Variants in PARD3B observed in about 807,000 individuals in gnomAD.
PARD3B encodes the protein partitioning defective 3 homolog B.
PARD3B carries 103 observed loss-of-function variants against 130.2 expected under a neutral mutation model. The ratio of observed to expected loss-of-function variants is 0.79; its 90% CI spans 0.67 to 0.93. The LOEUF is 0.93. Among genes scored for constraint, PARD3B ranks in the 40% least tolerant of loss-of-function variants. The pLI is 0.00. For synonymous variants in PARD3B, 583 were observed against 553.2 expected, an observed-to-expected ratio of 1.05 and a Z score of -0.76; for missense variants, 1,609 against 1,499.2, an observed-to-expected ratio of 1.07 and a Z score of -1.21.
intron 19 of PARD3B, among the ~76,000 whole-genome samples, chr2:205,402,145 A>C (rs1380411455): frequency 1.3e-5 from 2 of 152,128 alleles, no homozygotes; most frequent in African/African-American, 2.4e-5. Context: ...TTTCAATAGC[A>C]AGGAAAAAAA....
chr2:204,988,049 T>C (rs1693326958), intron 3 of PARD3B, among the ~76,000 whole-genome samples: 1 of 150,788 alleles, frequency 6.6e-6, no homozygotes, highest in Admixed American at 6.7e-5. Flanking sequence ...CCAGTGGGGG[T>C]CATCACATTG....
At chr2:204,922,927 A>G (rs1196567881) in intron 2 of PARD3B, among the ~76,000 whole-genome samples, 1 of 152,104 alleles carries the variant, frequency 6.6e-6, no homozygotes, top group East Asian at 1.9e-4. Context: ...CATACCTTTT[A>G]TGATATGAGA....
intron 2 of PARD3B, among the ~76,000 whole-genome samples, chr2:204,959,767 A>G (rs1690584898): frequency 6.6e-6 from 1 of 152,194 alleles, no homozygotes. Context: ...CGCCCCTGGG[A>G]ACATAGGAGT....
At chr2:205,540,651 C>T (rs999913510) in intron 21 of PARD3B, among the ~76,000 whole-genome samples, 3 of 151,460 alleles carry the variant, frequency 2.0e-5, no homozygotes, top group Non-Finnish European at 2.9e-5. Flanking sequence ...GTAGAAGCCA[C>T]GGTGGATTTT....
At position 205,146,520 on chromosome 2, in the gene PARD3B, G is replaced by A. The variant is rs547857632; in HGVS notation, c.1435-12202G>A. ...AAAACATTTATCTGGGCGTGGTGGC[G>A]GGCGCCTGTAGTCCCAGCTACTCGG... On this transcript the variant is annotated intron_variant, in intron 10 of 22. Coordinates refer to ENST00000406610, the MANE Select transcript of PARD3B (RefSeq NM_001302769.2). The surrounding 1 kb of genome is among the most constrained non-coding windows in gnomAD (Gnocchi z 4.3). Among the ~76,000 whole-genome samples the A allele has an allele frequency of 3.3e-5, 5 of 151,756 alleles. No homozygotes were observed. Among genetic ancestry groups the A allele is most frequent in the South Asian group, 4.2e-4 (2 of 4,790 alleles).
rs554524224 is a variant in PARD3B at position 205,563,659 on chromosome 2, A to T, written c.3260+10256A>T. On this transcript the variant is annotated intron_variant, in intron 22 of 22. Transcript: ENST00000406610. The surrounding 1 kb of genome is among the most constrained non-coding windows in gnomAD (Gnocchi z 4.2). ...TCAAAACCTACGGGTTGTAAAAAAA[A>T]AAAGTAATAAAATACAAGAAAATAG... Among the ~76,000 whole-genome samples, 4 of 152,192 alleles carry T rather than the reference A, an allele frequency of 2.6e-5. No homozygotes were observed. In the South Asian group the frequency reaches 8.3e-4, roughly 32 times the overall value.
intron 18 of PARD3B, among the ~76,000 whole-genome samples, chr2:205,335,300 A>G (rs2043272173): frequency 6.6e-6 from 1 of 152,220 alleles, no homozygotes; most frequent in South Asian, 2.1e-4. Flanking sequence ...GCAAATGTCT[A>G]CAATGTCCAC....
At chr2:205,541,458 C>T (rs891577036) in intron 21 of PARD3B, among the ~76,000 whole-genome samples, 3 of 151,616 alleles carry the variant, frequency 2.0e-5, no homozygotes, top group Non-Finnish European at 4.4e-5. Context: ...AAGCAATTCT[C>T]CTGTCTCAGC....
At chr2:205,024,131 C>T (rs1300832168) in intron 3 of PARD3B, among the ~76,000 whole-genome samples, 2 of 147,464 alleles carry the variant, frequency 1.4e-5, no homozygotes, top group East Asian at 4.0e-4. Context: ...TAGCTATGAT[C>T]ATGTATGCCT....
intron 1 of PARD3B, among the ~76,000 whole-genome samples, chr2:204,662,667 G>T (rs904928090): frequency 5.3e-5 from 8 of 152,104 alleles, no homozygotes; most frequent in African/African-American, 1.9e-4. Context: ...GTTATTGCTT[G>T]GTTACAGACC....
chr2:205,520,980 TTATCATAAATCAA>T (rs993416359), intron 21 of PARD3B, among the ~76,000 whole-genome samples: 10 of 151,446 alleles, frequency 6.6e-5, no homozygotes, highest in Non-Finnish European at 1.2e-4. Context: ...TATTAGTTCT[TTATCATAAATCAA>T]TATAAGATAC....
rs1211998964 is a variant in PARD3B, at chr2:205,440,569, G to A, written c.2941G>A (p.Gly981Ser). 1.2e-6 allele frequency: 2 copies of A among 1,614,064 alleles called. No homozygotes were observed. Among genetic ancestry groups the A allele is most frequent in the South Asian group, 1.1e-5 (1 of 91,076 alleles). Residue 981 changes from glycine to serine, a missense_variant, in exon 20 of 23, where the codon GGT (glycine) becomes AGT (serine). Transcript: ENST00000406610. The surrounding 1 kb of genome is among the most constrained non-coding windows in gnomAD (Gnocchi z 4.2). Reference sequence around the variant, plus strand: ...ATCTCCCCCTCGAGCTGGACCATTTGGTTACCCTCGGGATGGCCATCCACT... The same window carrying A: ...ATCTCCCCCTCGAGCTGGACCATTTAGTTACCCTCGGGATGGCCATCCACT... ...SPSPPRAGPF[G>S]YPRDGHPLSP...
intron 1 of PARD3B, among the ~76,000 whole-genome samples, chr2:204,626,975 G>A (rs2034508187): frequency 6.6e-6 from 1 of 152,134 alleles, no homozygotes; most frequent in Non-Finnish European, 1.5e-5. Flanking sequence ...TGTCAAGGGA[G>A]GGAGGTGATT....
intron 2 of PARD3B, among the ~76,000 whole-genome samples, chr2:204,877,037 T>C (rs1024577810): frequency 6.6e-6 from 1 of 152,148 alleles, no homozygotes; most frequent in Non-Finnish European, 1.5e-5. Flanking sequence ...CAATGGCACA[T>C]ATGCACCATG....
At chr2:205,217,190 A>G (rs1440782222) in intron 15 of PARD3B, among the ~76,000 whole-genome samples, 1 of 152,162 alleles carries the variant, frequency 6.6e-6, no homozygotes, top group Non-Finnish European at 1.5e-5. Context: ...TAGGGAAAAC[A>G]GGGTTGTAGG....
chr2:205,608,567 G>A (rs966180423), intron 22 of PARD3B, among the ~76,000 whole-genome samples: 1 of 152,062 alleles, frequency 6.6e-6, no homozygotes, highest in Admixed American at 6.5e-5. Context: ...TCTCTATGTT[G>A]TTCTCAGTTA....
chr2:204,857,213 A>G (rs371789670), intron 2 of PARD3B, among the ~76,000 whole-genome samples: 1 of 152,310 alleles, frequency 6.6e-6, no homozygotes, highest in South Asian at 2.1e-4. Flanking sequence ...TTCAGTTAAT[A>G]TCATTCAGAT....
At chr2:205,588,586 A>T (rs2054279094) in intron 22 of PARD3B, among the ~76,000 whole-genome samples, 1 of 152,188 alleles carries the variant, frequency 6.6e-6, no homozygotes, top group Non-Finnish European at 1.5e-5. Context: ...AGGTGGCCAA[A>T]AAAATGAATC....
chr2:205,173,575 C>T (rs893750442), intron 12 of PARD3B, among the ~76,000 whole-genome samples: 7 of 152,226 alleles, frequency 4.6e-5, no homozygotes, highest in South Asian at 4.1e-4. Context: ...AAGTTATATA[C>T]TCTATCTTAC....
Sources: allele counts gnomAD v4.1 joint callset (sites outside exome capture counted in the v4.1 genomes callset), GRCh38; gene constraint gnomAD v4.1.1; non-coding constraint Gnocchi (gnomAD v3.1); transcripts MANE v1.5; gene names NCBI Gene and HGNC (gene_info 2026-07-23, HGNC 2026-07-21).